Variants in GRIN2B observed in about 807,000 individuals in gnomAD.
GRIN2B encodes the protein glutamate ionotropic receptor NMDA type subunit 2B, also known as glutamate receptor ionotropic, NMDA 2B.
Under a neutral mutation model 114.5 loss-of-function variants are expected in GRIN2B, and 5 were observed. That is an observed-to-expected ratio of 0.04 (90% CI 0.02 to 0.09). GRIN2B has a LOEUF of 0.09. Among genes scored for constraint, GRIN2B ranks in the 10% least tolerant of loss-of-function variants. The pLI is 1.00. For synonymous variants in GRIN2B, 787 were observed against 745.1 expected, an observed-to-expected ratio of 1.06 and a Z score of -0.92; for missense variants, 1,108 against 1,943.5, an observed-to-expected ratio of 0.57 and a Z score of 8.08.
At position 13,540,163 on chromosome 12, in the gene GRIN2B, C is replaced by T. The variant is rs1948258508; in HGVS notation, c.*22620G>A. On this transcript the variant is annotated 3_prime_UTR_variant, in exon 14 of 14. Transcript: ENST00000609686. ...TGGGCAAGGGGTTTTTCCCAAACAG[C>T]ACTTTTAACAATCTTTTTGGAATCA... 2 of 152,128 alleles carry T rather than the reference C, an allele frequency of 1.3e-5. No homozygotes were observed. The highest frequency in any genetic ancestry group is 4.8e-5 in the African/African-American group (2 of 41,430). 9.4% of individuals were successfully genotyped at this position (152,128 alleles called of 1,614,324 possible). A position where few individuals can be genotyped will look rare whatever the true frequency, so the allele number is the denominator to read the frequency against.
chr12:13,745,262 C>T (rs976912986), intron 4 of GRIN2B, among the ~76,000 whole-genome samples: 1 of 152,146 alleles, frequency 6.6e-6, no homozygotes, highest in Non-Finnish European at 1.5e-5. Flanking sequence ...AACTCATCCC[C>T]ATCCTTACCC....
chr12:13,971,977 A>G (rs1354746131), intron 2 of GRIN2B, among the ~76,000 whole-genome samples: 2 of 152,124 alleles, frequency 1.3e-5, no homozygotes, highest in African/African-American at 2.4e-5. Flanking sequence ...CCCTCCACTA[A>G]TCATAGAACA....
At chr12:13,879,495 T>A (rs1301009559) in intron 2 of GRIN2B, among the ~76,000 whole-genome samples, 1 of 150,712 alleles carries the variant, frequency 6.6e-6, no homozygotes, top group Admixed American at 6.6e-5. Context: ...TTTCTTAATA[T>A]GCAGAAAAGA....
At chr12:13,627,499 G>A (rs562698909) in intron 5 of GRIN2B, among the ~76,000 whole-genome samples, 26 of 152,322 alleles carry the variant, frequency 1.7e-4, no homozygotes, top group Admixed American at 1.6e-3. Flanking sequence ...AGTGGTTGTG[G>A]TGGCAGTAGT....
intron 3 of GRIN2B, among the ~76,000 whole-genome samples, chr12:13,800,658 A>G (rs1176690074): frequency 6.6e-6 from 1 of 152,196 alleles, no homozygotes; most frequent in African/African-American, 2.4e-5. Flanking sequence ...ATCCTTGTTC[A>G]GCATACTGTT....
chr12:13,694,656 C>CACATATATATATATATAT (rs1555122534), intron 4 of GRIN2B, among the ~76,000 whole-genome samples: 9 of 71,340 alleles, frequency 1.3e-4, no homozygotes, highest in South Asian at 3.9e-4. Context: ...AAGAAAATGT[C>CACATATATATATATATAT]ATATATATAT....
At chr12:13,901,103 G>A (rs371050902) in intron 2 of GRIN2B, among the ~76,000 whole-genome samples, 4 of 152,132 alleles carry the variant, frequency 2.6e-5, no homozygotes, top group South Asian at 2.1e-4. Context: ...CACAAGCAGT[G>A]TAGAAGTATT....
chr12:13,740,593 G>A (rs1309351058), intron 4 of GRIN2B, among the ~76,000 whole-genome samples: 1 of 151,884 alleles, frequency 6.6e-6, no homozygotes, highest in African/African-American at 2.4e-5. Flanking sequence ...TGGTACTGGA[G>A]GACATTTGTA....
rs1948483620 is a variant in GRIN2B, at chr12:13,556,794, C to G, written c.*5989G>C. 1 of 152,140 alleles carries G rather than the reference C, an allele frequency of 6.6e-6. No individual in the cohort carries two copies. 9.4% of individuals were successfully genotyped at this position (152,140 alleles called of 1,614,324 possible). ...GGAGCCCTTAACCACATAATCACCC[C>G]AGCAATTATATTCAAAGCATGAAGC... On this transcript the variant is annotated 3_prime_UTR_variant, in exon 14 of 14. Coordinates refer to ENST00000609686, the MANE Select transcript of GRIN2B (RefSeq NM_000834.5).
intron 3 of GRIN2B, among the ~76,000 whole-genome samples, chr12:13,777,658 G>A (rs147516922): frequency 6.6e-6 from 1 of 152,306 alleles, no homozygotes; most frequent in African/African-American, 2.4e-5. Flanking sequence ...GAACATGGGT[G>A]ATTTCTCTTC....
At chr12:13,759,062 C>A (rs1286008208) in intron 3 of GRIN2B, among the ~76,000 whole-genome samples, 3 of 124,654 alleles carry the variant, frequency 2.4e-5, no homozygotes, top group Non-Finnish European at 4.7e-5. Context: ...GGCTGGAGGG[C>A]AGTGGCATGA....
At chr12:13,739,116 C>G (rs1467680407) in intron 4 of GRIN2B, among the ~76,000 whole-genome samples, 2 of 152,090 alleles carry the variant, frequency 1.3e-5, no homozygotes, top group Non-Finnish European at 2.9e-5. Context: ...TGTGGTGGCT[C>G]ACGCCTGTAA....
chr12:13,933,407 A>C (rs960755895), intron 2 of GRIN2B, among the ~76,000 whole-genome samples: 8 of 152,314 alleles, frequency 5.3e-5, no homozygotes, highest in African/African-American at 9.6e-5. Context: ...CTGGTAGATT[A>C]ATTTAACAAC....
intron 2 of GRIN2B, among the ~76,000 whole-genome samples, chr12:13,942,441 T>C (rs1403404924): frequency 2.0e-5 from 3 of 152,338 alleles, no homozygotes; most frequent in South Asian, 4.1e-4. Context: ...TGTAATTAAA[T>C]GTAATTCATT....
intron 2 of GRIN2B, among the ~76,000 whole-genome samples, chr12:13,905,035 AC>A (rs1003851685): frequency 6.6e-6 from 1 of 152,082 alleles, no homozygotes; most frequent in Non-Finnish European, 1.5e-5. Flanking sequence ...TTCATTTATA[AC>A]TATAGGTAGA....
intron 8 of GRIN2B, among the ~76,000 whole-genome samples, chr12:13,612,362 T>C (rs1440049391): frequency 6.6e-6 from 1 of 152,236 alleles, no homozygotes; most frequent in Non-Finnish European, 1.5e-5. Flanking sequence ...AGCCCCCTTT[T>C]CCCCTTGTAT....
chr12:13,665,134 GGTGTGTGTGTGTTTGT>G (rs1949960834), intron 5 of GRIN2B, among the ~76,000 whole-genome samples: 2 of 133,190 alleles, frequency 1.5e-5, no homozygotes, highest in South Asian at 5.5e-4. Context: ...GAAAAGAGAG[GGTGTGTGTGTGTTTGT>G]GTGTGTGTGT....
intron 3 of GRIN2B, among the ~76,000 whole-genome samples, chr12:13,787,908 G>A (rs1490727312): frequency 2.0e-5 from 3 of 152,162 alleles, no homozygotes; most frequent in Non-Finnish European, 2.9e-5. Flanking sequence ...TGTAATAAAT[G>A]GGGATTGCAA....
chr12:13,878,814 C>G (rs535600857), intron 2 of GRIN2B, among the ~76,000 whole-genome samples: 1 of 152,092 alleles, frequency 6.6e-6, no homozygotes, highest in Non-Finnish European at 1.5e-5. Context: ...GAACAACCGT[C>G]GGGAGCCAGC....
Sources: gnomAD v4.1 joint callset for allele counts (sites outside exome capture counted in the v4.1 genomes callset) on GRCh38, gnomAD v4.1.1 for gene constraint, MANE v1.5 for transcripts, NCBI Gene and HGNC (gene_info 2026-07-23, HGNC 2026-07-21) for gene names.